POLR3GL: variants seen among roughly 807,000 people sequenced by gnomAD.
POLR3GL encodes the protein RNA polymerase III subunit GL, also known as DNA-directed RNA polymerase III subunit RPC7-like.
POLR3GL carries 26 observed loss-of-function variants against 32.4 expected under a neutral mutation model. That is an observed-to-expected ratio of 0.80 (90% CI 0.59 to 1.11). The LOEUF (loss-of-function observed/expected upper bound fraction) is 1.11, where lower values mean the gene tolerates loss of function less well. Ranked by LOEUF, POLR3GL falls within the 50% of genes most tolerant of loss-of-function variation. POLR3GL has a pLI of 0.00. For missense variants in POLR3GL, 229 were observed against 280.1 expected (o/e 0.82, Z 1.30); for synonymous variants, 95 against 98.7 (o/e 0.96, Z 0.22).
At chr1:145,969,590 T>C (rs1241471701) in intron 1 of POLR3GL, among the ~76,000 whole-genome samples, 2 of 150,980 alleles carry the variant, frequency 1.3e-5, no homozygotes, top group Non-Finnish European at 3.0e-5. Flanking sequence ...ATTTTAATGT[T>C]GTTATAGTAT....
At chr1:145,973,367 G>T (rs1345076788) in intron 1 of POLR3GL, among the ~76,000 whole-genome samples, 1 of 152,040 alleles carries the variant, frequency 6.6e-6, no homozygotes. Flanking sequence ...GTCTTGGGGG[G>T]AGAATGGATA....
chr1:145,965,744 CT>C (rs1559251288), intron 1 of POLR3GL, among the ~76,000 whole-genome samples: 2 of 152,154 alleles, frequency 1.3e-5, no homozygotes, highest in Non-Finnish European at 2.9e-5. Context: ...GATACCTGTT[CT>C]TTAGTCAATA....
intron 3 of POLR3GL, 88 bp downstream of exon 3, chr1:145,975,524 G>A: frequency 6.9e-7 from 1 of 1,450,010 alleles, no homozygotes; most frequent in South Asian, 1.2e-5. Context: ...AGGGGCACAG[G>A]AAGCATACTA....
At chr1:145,972,354 T>G (rs1346908481) in intron 1 of POLR3GL, among the ~76,000 whole-genome samples, 7 of 144,674 alleles carry the variant, frequency 4.8e-5, no homozygotes, top group Admixed American at 4.3e-4. Context: ...TACTCCAGCC[T>G]GGGCAATAAG....
chr1:145,977,168 T>G lies in POLR3GL; in HGVS notation c.325+16T>G, dbSNP rs1273258820. The G allele has an allele frequency of 3.8e-6, 6 of 1,591,884 alleles. No homozygotes were observed. In the Admixed American group the frequency reaches 8.3e-5, roughly 22 times the overall value. ...TGGAACCCTGGTAGGTGATGGGCCC[T>G]TTCATTGACTGCCCTTCTTTCAAAT... is the stretch of plus-strand genomic sequence containing the variant. On this transcript the variant is annotated intron_variant, in intron 4 of 7. Coordinates refer to ENST00000369314, the MANE Select transcript of POLR3GL (RefSeq NM_032305.3).
chr1:145,966,465 C>CAGAGCA (rs1300876893), intron 1 of POLR3GL, among the ~76,000 whole-genome samples: 1 of 124,866 alleles, frequency 8.0e-6, no homozygotes, highest in Non-Finnish European at 1.6e-5. Flanking sequence ...GCCTAAGCGA[C>CAGAGCA]AGAGCAAGAA....
intron 1 of POLR3GL, among the ~76,000 whole-genome samples, chr1:145,966,737 T>C (rs1553762123): frequency 6.6e-6 from 1 of 151,324 alleles, no homozygotes; most frequent in African/African-American, 2.4e-5. Context: ...TGCGGTGAGC[T>C]GAGATTGCGC....
chr1:145,973,929 TG>T (rs369335754), intron 1 of POLR3GL, among the ~76,000 whole-genome samples: 11 of 140,338 alleles, frequency 7.8e-5, no homozygotes, highest in African/African-American at 1.9e-4. Context: ...CTGAGACAGT[TG>T]GATCACTTGA....
At position 145,974,889 on chromosome 1, in the gene POLR3GL, G is replaced by A. The variant is rs587616249; in HGVS notation, c.24G>A (p.Arg8=). 6.6e-7 allele frequency: 1 copy of A among 1,521,520 alleles called. No homozygotes were observed. The highest frequency in any genetic ancestry group is 8.7e-7 in the Non-Finnish European group (1 of 1,144,446). The allele number at this position is 1,521,520 out of a possible 1,614,324, so 94.3% of individuals were successfully genotyped here. A position where few individuals can be genotyped will look rare whatever the true frequency, so the allele number is the denominator to read the frequency against. The stretch of plus-strand genomic sequence containing the variant: ...CCATGGCCAGCCGGGGTGGGGGCCG[G>A]GGTCGTGGCCGGGGCCAGTTGACCT... MASRGGG[R]GRGRGQLTFN... The change falls in exon 2 of 8, where the codon CGG becomes CGA. Residue 8 remains arginine, a synonymous_variant. Coordinates refer to ENST00000369314, the MANE Select transcript of POLR3GL (RefSeq NM_032305.3).
chr1:145,970,875 CAAAAAAAAAAA>C (rs35524546), intron 1 of POLR3GL, among the ~76,000 whole-genome samples: 69 of 13,200 alleles, frequency 5.2e-3, no homozygotes, highest in African/African-American at 0.026. Context: ...AACTCCATCT[CAAAAAAAAAAA>C]AAAAAAAAAA....
rs370894181 is a variant in POLR3GL, at chr1:145,977,540, G to A, written c.382+1G>A. 2.5e-6 allele frequency: 4 copies of A among 1,613,798 alleles called. No individual in the cohort carries two copies. Among genetic ancestry groups the A allele is most frequent in the East Asian group, 4.5e-5 (2 of 44,886 alleles). ...CGAGTGCGGAAGCTACAGAAGGAAC[G>A]TGAGTGTATCTGGAAAAAAGGAGGG... On this transcript the variant is annotated splice_donor_variant, in intron 5 of 7. Transcript: ENST00000369314. LOFTEE classifies it high-confidence loss of function.
At chr1:145,978,130 C>A in intron 7 of POLR3GL, 34 bp downstream of exon 7, 1 of 1,571,034 alleles carries the variant, frequency 6.4e-7, no homozygotes. Context: ...AGTCCCCCTC[C>A]CTTTACCCTC....
Position 145,977,150 on chromosome 1 carries a change from C to T in POLR3GL, c.323C>T (p.Pro108Leu). Residue 108 changes from proline (P) to leucine (L), a missense_variant and splice_region_variant, in exon 4 of 8, where the codon CCT becomes CTT. Transcript: ENST00000369314. ...ATTGACAATGCCATCGATTGGAACCCTGGTAGGTGATGGGCCCTTTCATTG... is the reference window on the plus strand; with the variant it reads ...ATTGACAATGCCATCGATTGGAACCTTGGTAGGTGATGGGCCCTTTCATTG... Reference protein sequence around the residue: ...GPIDNAIDWNPDWRRLPRELK... With the variant: ...GPIDNAIDWNLDWRRLPRELK... The T allele has an allele frequency of 6.2e-7, 1 of 1,612,956 alleles. No individual in the cohort carries two copies. The highest frequency in any genetic ancestry group is 8.5e-7 in the Non-Finnish European group (1 of 1,178,974).
chr1:145,967,181 T>C (rs1245626247), intron 1 of POLR3GL, among the ~76,000 whole-genome samples: 1 of 141,168 alleles, frequency 7.1e-6, no homozygotes, highest in African/African-American at 2.6e-5. Flanking sequence ...TTCTCTCTCC[T>C]TTTTTTTTTT....
intron 1 of POLR3GL, among the ~76,000 whole-genome samples, chr1:145,968,997 G>A (rs9424932): frequency 0.27 from 41,259 of 152,002 alleles, 7,101 homozygotes; most frequent in Non-Finnish European, 0.37. Flanking sequence ...TTTTATGGCA[G>A]TTGGGCTTGA....
At chr1:145,971,373 C>A (rs1409169960) in intron 1 of POLR3GL, among the ~76,000 whole-genome samples, 4 of 151,736 alleles carry the variant, frequency 2.6e-5, no homozygotes, top group Non-Finnish European at 1.5e-5. Context: ...TCTCCTTAGG[C>A]TCCTCTTAAG....
chr1:145,973,572 C>G (rs1650417030), intron 1 of POLR3GL, among the ~76,000 whole-genome samples: 1 of 151,992 alleles, frequency 6.6e-6, no homozygotes, highest in Non-Finnish European at 1.5e-5. Flanking sequence ...ATTAGCCAGG[C>G]TTGGTGGCAC....
At position 145,974,887 on chromosome 1, in the gene POLR3GL, C is replaced by T. The variant is rs367697753; in HGVS notation, c.22C>T (p.Arg8Trp). 2.0e-4 allele frequency: 299 copies of T among 1,519,854 alleles called. No homozygotes were observed. Among genetic ancestry groups the T allele is most frequent in the African/African-American group, 2.2e-4 (15 of 69,244 alleles). 94.1% of individuals were successfully genotyped at this position (1,519,854 alleles called of 1,614,324 possible). A position where few individuals can be genotyped will look rare whatever the true frequency, so the allele number is the denominator to read the frequency against. The part of the protein sequence containing the change: MASRGGG[R>W]GRGRGQLTFN... The stretch of plus-strand genomic sequence containing the variant: ...CACCATGGCCAGCCGGGGTGGGGGC[C>T]GGGGTCGTGGCCGGGGCCAGTTGAC... Residue 8 changes from arginine to tryptophan, a missense_variant, in exon 2 of 8, where the codon CGG becomes TGG. Arg to Trp is a moderately radical substitution (Grantham distance 101, BLOSUM62 -3). Transcript: ENST00000369314.
In POLR3GL at chr1:145,974,856, C is replaced by T; in HGVS notation, c.-10C>T. On this transcript the variant is annotated 5_prime_UTR_variant, in exon 2 of 8. Coordinates refer to ENST00000369314, the MANE Select transcript of POLR3GL (RefSeq NM_032305.3). ...TCACTGGATCTCTGAATACCCAGGC[C>T]CCCTCCACCATGGCCAGCCGGGGTG... The T allele has an allele frequency of 6.6e-7, 1 of 1,507,886 alleles. No individual in the cohort carries two copies. The highest frequency in any genetic ancestry group is 2.6e-5 in the East Asian group (1 of 38,146). 93.4% of individuals were successfully genotyped at this position (1,507,886 alleles called of 1,614,324 possible).
Sources: allele counts gnomAD v4.1 joint callset (sites outside exome capture counted in the v4.1 genomes callset), GRCh38; gene constraint gnomAD v4.1.1; transcripts MANE v1.5; gene names NCBI Gene and HGNC (gene_info 2026-07-23, HGNC 2026-07-21).